Variants in ABCA4 observed in about 807,000 individuals in gnomAD.
ABCA4 encodes the protein ATP binding cassette subfamily A member 4.
ABCA4 carries 196 observed loss-of-function variants against 263.7 expected under a neutral mutation model. That is an observed-to-expected ratio of 0.74 (90% CI 0.66 to 0.84). The LOEUF is 0.84. Among genes scored for constraint, ABCA4 ranks in the 40% least tolerant of loss-of-function variants. The pLI is 0.00. For missense variants in ABCA4, 2,792 were observed against 2,855.1 expected, an observed-to-expected ratio of 0.98 and a Z score of 0.50; for synonymous variants, 1,133 against 1,094.2, an observed-to-expected ratio of 1.04 and a Z score of -0.70.
chr1:94,063,345 T>TGTGA (rs779655305), intron 11 of ABCA4, 28 bp from the exon 12 acceptor site: 3 of 1,607,420 alleles, frequency 1.9e-6, no homozygotes, highest in Non-Finnish European at 2.6e-6. Context: ...GTTGAGAGAG[T>TGTGA]GTGAGGAGGA....
In ABCA4 at chr1:93,996,171, G is replaced by T; in HGVS notation, c.6754C>A (p.Gln2252Lys). 6.2e-7 allele frequency: 1 copy of T among 1,613,992 alleles called. No individual in the cohort carries two copies. Among genetic ancestry groups the T allele is most frequent in the Non-Finnish European group, 8.5e-7 (1 of 1,180,016 alleles). Residue 2252 changes from glutamine to lysine, a missense_variant, in exon 49 of 50, where the codon CAG (glutamine) becomes AAG (lysine). Coordinates refer to ENST00000370225, the MANE Select transcript of ABCA4 (RefSeq NM_000350.3). ...AGAGGGAGGTCATGACTTTCAGTCT[G>T]CTGTTTAGCAAAATTTACAAACACC... ...DQVFVNFAKQ[Q>K]TESHDLPLHP...
At position 94,089,964 on chromosome 1, in the gene ABCA4, C is replaced by T. The variant is rs566463208; in HGVS notation, c.769-6523G>A. 2.0e-5 allele frequency among the ~76,000 whole-genome samples: 3 copies of T among 152,288 alleles called. No individual in the cohort carries two copies. The East Asian group carries it at 5.8e-4, about 29-fold the overall frequency. On this transcript the variant is annotated intron_variant, in intron 6 of 49. Coordinates refer to ENST00000370225, the MANE Select transcript of ABCA4 (RefSeq NM_000350.3). Reference sequence around the variant, plus strand: ...GTGGCTGGATTCCATCCCAGCAGCTCAGGGCACAAGGTAGGAATCTAACCT... The same window carrying T: ...GTGGCTGGATTCCATCCCAGCAGCTTAGGGCACAAGGTAGGAATCTAACCT...
intron 6 of ABCA4, among the ~76,000 whole-genome samples, chr1:94,085,380 TA>T (rs1661803076): frequency 6.6e-6 from 1 of 152,226 alleles, no homozygotes; most frequent in African/African-American, 2.4e-5. Flanking sequence ...GTTTTAATAA[TA>T]AAAAAGGTTT....
Position 94,044,739 on chromosome 1 carries a change from A to G in ABCA4, c.2924T>C (p.Ile975Thr), listed in dbSNP as rs146140442. The part of the protein sequence containing the change: ...NGAGKTTTLS[I>T]LTGLLPPTSG... ...GGTTGGTGGCAACAGACCCGTCAGG[A>G]TGGACCTGCAGAACACAGGCGTCAG... is the stretch of plus-strand genomic sequence containing the variant. Residue 975 changes from isoleucine to threonine, a missense_variant, in exon 20 of 50, where the codon ATC becomes ACC. Ile to Thr is a moderately conservative substitution (Grantham distance 89). Transcript: ENST00000370225. The G allele has an allele frequency of 1.7e-5, 28 of 1,614,076 alleles. No individual in the cohort carries two copies. The highest frequency in any genetic ancestry group is 4.2e-6 in the Non-Finnish European group (5 of 1,180,022).
chr1:94,069,776 T>A (rs1188887506), intron 11 of ABCA4, among the ~76,000 whole-genome samples: 1 of 152,158 alleles, frequency 6.6e-6, no homozygotes, highest in Non-Finnish European at 1.5e-5. Context: ...GGCACTGCAA[T>A]AAATTTTATC....
At chr1:94,107,542 T>C (rs1054113647) in intron 4 of ABCA4, among the ~76,000 whole-genome samples, 1 of 152,232 alleles carries the variant, frequency 6.6e-6, no homozygotes, top group Non-Finnish European at 1.5e-5. Flanking sequence ...TTTCTTGTTC[T>C]TCTCCTGGGG....
intron 37 of ABCA4, among the ~76,000 whole-genome samples, chr1:94,015,114 A>G (rs773376611): frequency 6.6e-5 from 10 of 152,200 alleles, no homozygotes; most frequent in Non-Finnish European, 1.2e-4. Flanking sequence ...CAAGAGAAAG[A>G]TGTGGAGAAC....
At chr1:94,018,695 C>A in intron 36 of ABCA4, 1 of 434,388 alleles carries the variant, frequency 2.3e-6, no homozygotes, top group Non-Finnish European at 4.6e-6. Flanking sequence ...TTTTACTACT[C>A]AAGACACCTA....
intron 24 of ABCA4, 57 bp downstream of exon 24, chr1:94,039,986 G>T: frequency 7.0e-7 from 1 of 1,423,360 alleles, no homozygotes; most frequent in Non-Finnish European, 9.7e-7. Context: ...GACACACCCA[G>T]CAATACTGGG....
chr1:94,000,730 C>T (rs1659149801), intron 47 of ABCA4, 106 bp downstream of exon 47: 2 of 1,230,154 alleles, frequency 1.6e-6, no homozygotes, highest in East Asian at 2.3e-5. Flanking sequence ...TGCCTCTGCC[C>T]CAGGGGATGA....
At chr1:94,019,521 C>A in intron 36 of ABCA4, 61 bp downstream of exon 36, 1 of 1,527,412 alleles carries the variant, frequency 6.5e-7, no homozygotes, top group South Asian at 1.2e-5. Context: ...TCCTTCAGAG[C>A]ACACACAAGC....
chr1:94,042,186 G>A (rs1660509557), intron 22 of ABCA4, among the ~76,000 whole-genome samples: 1 of 152,088 alleles, frequency 6.6e-6, no homozygotes, highest in African/African-American at 2.4e-5. Context: ...AAGGCACGGG[G>A]CAACGCTGTG....
At chr1:94,008,915 T>C in intron 40 of ABCA4, 44 bp from the exon 41 acceptor site, 1 of 1,605,792 alleles carries the variant, frequency 6.2e-7, no homozygotes, top group Middle Eastern at 1.6e-4. Context: ...CTGTACAGTG[T>C]CCTTGGCACT....
intron 47 of ABCA4, among the ~76,000 whole-genome samples, chr1:94,000,471 A>G (rs1286236910): frequency 6.6e-6 from 1 of 152,202 alleles, no homozygotes; most frequent in Non-Finnish European, 1.5e-5. Context: ...AACCATTCCT[A>G]CATTGGAGTG....
rs145921576 is a variant in ABCA4, at chr1:94,051,847, C to A, written c.2588-149G>T. ...TTATTATTACATGGCTATTCTCAGGCTCCCAGAAAGACTACCCCTTCCAAC... is the reference window on the plus strand; with the variant it reads ...TTATTATTACATGGCTATTCTCAGGATCCCAGAAAGACTACCCCTTCCAAC... On this transcript the variant is annotated intron_variant, in intron 16 of 49. Transcript: ENST00000370225. 9.6e-4 allele frequency: 674 copies of A among 700,920 alleles called. 2 individuals are homozygous for A. The highest frequency in any genetic ancestry group is 1.5e-3 in the Non-Finnish European group (579 of 394,442). 43.4% of individuals were successfully genotyped at this position (700,920 alleles called of 1,614,324 possible). A position where few individuals can be genotyped will look rare whatever the true frequency, so the allele number is the denominator to read the frequency against.
At chr1:94,050,930 G>A (rs1262760147) in intron 17 of ABCA4, among the ~76,000 whole-genome samples, 1 of 152,222 alleles carries the variant, frequency 6.6e-6, no homozygotes. Flanking sequence ...TCAGCTCTAG[G>A]GGAGTCCCCC....
intron 3 of ABCA4, among the ~76,000 whole-genome samples, chr1:94,111,001 A>G (rs1553196553): frequency 6.6e-6 from 1 of 152,216 alleles, no homozygotes; most frequent in Non-Finnish European, 1.5e-5. Flanking sequence ...TACCTTCCCA[A>G]TGCTCCCTGA....
chr1:94,003,239 A>G (rs1257299702), intron 44 of ABCA4, among the ~76,000 whole-genome samples: 2 of 152,052 alleles, frequency 1.3e-5, no homozygotes, highest in Admixed American at 1.3e-4. Context: ...CACAAGATGT[A>G]GTCTATTGTC....
At chr1:94,062,496 A>G in intron 13 of ABCA4, 81 bp downstream of exon 13, 2 of 1,546,630 alleles carry the variant, frequency 1.3e-6, no homozygotes, top group Non-Finnish European at 8.9e-7. Flanking sequence ...GGAAGCCTTG[A>G]GGGCACCCCC....
Sources: allele counts gnomAD v4.1 joint callset (sites outside exome capture counted in the v4.1 genomes callset), GRCh38; gene constraint gnomAD v4.1.1; transcripts MANE v1.5; gene names NCBI Gene and HGNC (gene_info 2026-07-23, HGNC 2026-07-21).